The following LCTL variants were observed in gnomAD, a reference collection of about 807,000 sequenced individuals.
LCTL encodes lactase-like protein.
In LCTL, 76 loss-of-function variants were observed where a neutral mutation model predicts 75.8. The observed-to-expected ratio is 1.00, with a 90% CI of 0.83 to 1.21. The LOEUF is 1.21. Ranked by LOEUF, LCTL falls within the 50% of genes most tolerant of loss-of-function variation. The probability of loss-of-function intolerance (pLI) is 0.00; values close to 1 mark genes in which losing one functional copy is unlikely to be tolerated. For missense variants in LCTL, 670 were observed against 712.4 expected (o/e 0.94, Z 0.68); for synonymous variants, 271 against 268.8 (o/e 1.01, Z -0.08).
At chr15:66,561,344 T>C in intron 4 of LCTL, 29 bp from the exon 6 acceptor site, 1 of 1,613,942 alleles carries the variant, frequency 6.2e-7, no homozygotes. Flanking sequence ...AGATGCCCCA[T>C]GAATGAACCG....
chr15:66,565,350 C>A (rs774324127), exon 1 of LCTL: 2 of 1,610,892 alleles, frequency 1.2e-6, no homozygotes, highest in South Asian at 1.1e-5. Context: ...AGGGTGGCGA[C>A]CCACACTGGC....
At chr15:66,548,215 C>T (rs983865227) in exon 13 of LCTL, 2 of 241,378 alleles carry the variant, frequency 8.3e-6, no homozygotes, top group African/African-American at 4.5e-5. Flanking sequence ...ACTATGATGC[C>T]ATTTTTGTAA....
chr15:66,564,162 T>A (rs1478989303), intron 2 of LCTL, 164 bp from the exon 4 acceptor site: 16 of 616,120 alleles, frequency 2.6e-5, no homozygotes, highest in Admixed American at 5.3e-5. Context: ...ACCTGCCCAC[T>A]TCATGCAGGG....
intron 6 of LCTL, among the ~76,000 whole-genome samples, 173 bp downstream of exon 7, chr15:66,560,821 GCCATAGTGTCCC>G (rs1250544709): frequency 4.6e-5 from 7 of 152,296 alleles, no homozygotes; most frequent in African/African-American, 1.7e-4. Context: ...TAACAGCTCA[GCCATAGTGTCCC>G]CCAGCGCCCT....
chr15:66,557,792 C>T (rs1895773938), exon 8 of LCTL: 1 of 1,614,058 alleles, frequency 6.2e-7, no homozygotes, highest in Non-Finnish European at 8.5e-7. Flanking sequence ...CCAGACAGAA[C>T]TGTAGGTATC....
chr15:66,551,749 G>A lies in LCTL; in HGVS notation c.1437C>T (p.Asn479=), dbSNP rs78140698. 29 of 1,613,744 alleles carry A rather than the reference G, an allele frequency of 1.8e-5. No individual in the cohort carries two copies. In the East Asian group the frequency reaches 4.0e-4, roughly 22 times the overall value. Residue 479 remains asparagine (N), a synonymous_variant, in exon 11 of 13, where the codon AAC becomes AAT. Coordinates refer to ENST00000341509, the Ensembl canonical transcript of LCTL. ...TTGGATAGCGAGGCTTATTTCTGTC[G>A]TTAAATTCAACATAGTAGAATCCAT... is the stretch of plus-strand genomic sequence containing the variant.
chr15:66,555,125 T>G (rs895566990), intron 8 of LCTL, among the ~76,000 whole-genome samples: 4 of 152,158 alleles, frequency 2.6e-5, no homozygotes, highest in African/African-American at 9.7e-5. Context: ...TTAAATACCC[T>G]TAAGATATTA....
intron 4 of LCTL, 42 bp from the exon 6 acceptor site, chr15:66,561,357 A>G (rs760266747): frequency 1.2e-6 from 2 of 1,611,918 alleles, no homozygotes; most frequent in African/African-American, 2.7e-5. Context: ...ATGAACCGCA[A>G]AGCGGTTTAA....
At chr15:66,564,078 G>T in intron 2 of LCTL, 80 bp from the exon 4 acceptor site, 1 of 900,218 alleles carries the variant, frequency 1.1e-6, no homozygotes, top group Non-Finnish European at 1.9e-6. Context: ...CTAGGGCCGA[G>T]GCTCACTCTT....
At chr15:66,550,140 A>G (rs369053434) in intron 11 of LCTL, 36 bp from the exon 13 acceptor site, 1 of 1,381,254 alleles carries the variant, frequency 7.2e-7, no homozygotes, top group East Asian at 2.3e-5. Context: ...ATGTTGTCTT[A>G]GACTAATTTT....
intron 6 of LCTL, among the ~76,000 whole-genome samples, chr15:66,559,177 C>G (rs1011860026): frequency 6.6e-6 from 1 of 152,124 alleles, no homozygotes; most frequent in Non-Finnish European, 1.5e-5. Flanking sequence ...TGCCACCACA[C>G]CTGGCTCAGT....
At chr15:66,560,428 T>C (rs1417106179) in intron 6 of LCTL, among the ~76,000 whole-genome samples, 4 of 152,154 alleles carry the variant, frequency 2.6e-5, no homozygotes, top group Admixed American at 2.6e-4. Context: ...CTTTACTCTC[T>C]TGTGTGACTG....
At position 66,564,693 on chromosome 15, in the gene LCTL, C is replaced by T. The variant is rs369052407; in HGVS notation, c.265G>A (p.Gly89Ser). Residue 89 changes from glycine (G) to serine (S), a missense_variant, in exon 2 of 13, where the codon GGC becomes AGC. Coordinates refer to ENST00000341509, the Ensembl canonical transcript of LCTL. ...GCACTCACCTGGACCTTGTAGTAGCCGTCACAGGCTACATCTGCCGTCTCA... is the reference window on the plus strand; with the variant it reads ...GCACTCACCTGGACCTTGTAGTAGCTGTCACAGGCTACATCTGCCGTCTCA... 14 of 1,612,564 alleles carry T rather than the reference C, an allele frequency of 8.7e-6. No individual in the cohort carries two copies. Among genetic ancestry groups the T allele is most frequent in the Middle Eastern group, 1.6e-4 (1 of 6,082 alleles).
upstream of LCTL, chr15:66,565,717 C>A: frequency 4.4e-6 from 1 of 226,062 alleles, no homozygotes. Context: ...TGGGAAAACC[C>A]ACAGGGCCCT....
intron 2 of LCTL, 71 bp downstream of exon 3, chr15:66,564,605 T>C (rs1200667204): frequency 1.3e-6 from 2 of 1,523,676 alleles, no homozygotes; most frequent in Admixed American, 3.7e-5. Flanking sequence ...ACTCCCTGCC[T>C]CCCAGCTAGG....
intron 8 of LCTL, among the ~76,000 whole-genome samples, chr15:66,553,551 C>G (rs1026513058): frequency 2.0e-5 from 3 of 149,524 alleles, no homozygotes; most frequent in Non-Finnish European, 3.0e-5. Flanking sequence ...GTCAGGAGAT[C>G]GAGACCATCC....
At chr15:66,553,526 C>T (rs1224669356) in intron 8 of LCTL, among the ~76,000 whole-genome samples, 8 of 151,930 alleles carry the variant, frequency 5.3e-5, no homozygotes, top group Admixed American at 2.0e-4. Context: ...GAGGCTGAGG[C>T]GGGCGGATCA....
Position 66,563,501 on chromosome 15 carries a change from T to C in LCTL, c.480+15A>G. On this transcript the variant is annotated intron_variant, in intron 4 of 12. Transcript: ENST00000341509. Reference sequence around the variant, plus strand: ...TGAGTCCCCTTTGGGCCTGTGAGCCTGCTCAGGTCCTCACCTGTGGCAGAT... The same window carrying C: ...TGAGTCCCCTTTGGGCCTGTGAGCCCGCTCAGGTCCTCACCTGTGGCAGAT... 6.3e-7 allele frequency: 1 copy of C among 1,596,532 alleles called. No homozygotes were observed. The highest frequency in any genetic ancestry group is 8.6e-7 in the Non-Finnish European group (1 of 1,165,892).
intron 4 of LCTL, among the ~76,000 whole-genome samples, chr15:66,562,091 T>G (rs1397387585): frequency 6.6e-6 from 1 of 152,084 alleles, no homozygotes; most frequent in African/African-American, 2.4e-5. Context: ...TGGGACCACC[T>G]TCTCCCCAGT....
Sources: gnomAD v4.1 joint callset for allele counts (sites outside exome capture counted in the v4.1 genomes callset) on GRCh38, gnomAD v4.1.1 for gene constraint, MANE v1.5 for transcripts, NCBI Gene and HGNC (gene_info 2026-07-23, HGNC 2026-07-21) for gene names.